LRRC4C: variants seen among roughly 807,000 people sequenced by gnomAD.
LRRC4C encodes the protein leucine rich repeat containing 4C, also known as leucine-rich repeat-containing protein 4C.
LRRC4C carries 5 observed loss-of-function variants against 33.6 expected under a neutral mutation model. The ratio of observed to expected loss-of-function variants is 0.15; its 90% CI spans 0.08 to 0.31. LRRC4C has a LOEUF of 0.31. Among genes scored for constraint, LRRC4C ranks in the 10% least tolerant of loss-of-function variants. The pLI is 1.00. For missense variants in LRRC4C, 560 were observed against 796.7 expected, an observed-to-expected ratio of 0.70 and a Z score of 3.58; for synonymous variants, 329 against 302.0, an observed-to-expected ratio of 1.09 and a Z score of -0.93.
chr11:40,829,023 T>G (rs1952290178), intron 2 of LRRC4C, among the ~76,000 whole-genome samples: 1 of 151,944 alleles, frequency 6.6e-6, no homozygotes, highest in African/African-American at 2.4e-5. Context: ...AACAAAAAAC[T>G]TGGTTAGAAT....
At chr11:40,466,273 A>AT (rs1395877678) in intron 3 of LRRC4C, among the ~76,000 whole-genome samples, 2 of 152,034 alleles carry the variant, frequency 1.3e-5, no homozygotes, top group African/African-American at 4.8e-5. Context: ...ATGTGGGAGA[A>AT]TGGGGGGAGA....
intron 2 of LRRC4C, among the ~76,000 whole-genome samples, chr11:40,909,086 C>T (rs1565191689): frequency 6.6e-6 from 1 of 151,994 alleles, no homozygotes; most frequent in Non-Finnish European, 1.5e-5. Flanking sequence ...ATATAACAGA[C>T]ATTTAACATG....
At chr11:40,438,440 T>C (rs909897941) in intron 3 of LRRC4C, among the ~76,000 whole-genome samples, 9 of 152,358 alleles carry the variant, frequency 5.9e-5, no homozygotes, top group Admixed American at 1.3e-4. Flanking sequence ...AATTTACTCG[T>C]ATGTTCTATT....
chr11:40,549,994 A>G (rs1241686309), intron 3 of LRRC4C, among the ~76,000 whole-genome samples: 1 of 152,132 alleles, frequency 6.6e-6, no homozygotes, highest in Non-Finnish European at 1.5e-5. Context: ...TTTTATAAAA[A>G]CAGTGGAATG....
At chr11:40,552,014 C>T (rs905649226) in intron 3 of LRRC4C, among the ~76,000 whole-genome samples, 6 of 152,144 alleles carry the variant, frequency 3.9e-5, no homozygotes, top group Non-Finnish European at 8.8e-5. Flanking sequence ...AAAGATTGAC[C>T]TCTTTCAAGG....
At chr11:41,016,102 A>T (rs945484899) in intron 1 of LRRC4C, among the ~76,000 whole-genome samples, 4 of 152,182 alleles carry the variant, frequency 2.6e-5, no homozygotes, top group African/African-American at 9.7e-5. Context: ...TAAATGGAAA[A>T]TGATTTGTAT....
chr11:41,442,755 C>A (rs544729073), intron 1 of LRRC4C, among the ~76,000 whole-genome samples: 5 of 152,006 alleles, frequency 3.3e-5, no homozygotes. Flanking sequence ...AGGCGTGAGC[C>A]ACCGCGCCCG....
At chr11:40,424,425 A>G (rs1394430188) in intron 3 of LRRC4C, among the ~76,000 whole-genome samples, 3 of 152,166 alleles carry the variant, frequency 2.0e-5, no homozygotes, top group Non-Finnish European at 4.4e-5. Context: ...ACCCACCTCT[A>G]TTTTTAGGGC....
At chr11:41,256,944 A>G (rs1358787927) in intron 1 of LRRC4C, among the ~76,000 whole-genome samples, 1 of 152,018 alleles carries the variant, frequency 6.6e-6, no homozygotes. Flanking sequence ...CCAAACATGC[A>G]AGATGATCAT....
chr11:41,163,139 A>T (rs1043826943), intron 1 of LRRC4C, among the ~76,000 whole-genome samples: 10 of 151,456 alleles, frequency 6.6e-5, no homozygotes, highest in African/African-American at 2.4e-4. Flanking sequence ...AGTGCCTTTC[A>T]CCTCCCTCCA....
At chr11:40,401,253 C>CTT (rs936154080) in intron 3 of LRRC4C, among the ~76,000 whole-genome samples, 1 of 151,938 alleles carries the variant, frequency 6.6e-6, no homozygotes, top group African/African-American at 2.4e-5. Context: ...CTCTCTCTCT[C>CTT]TTTCCCTCTC....
At chr11:41,097,742 G>A (rs2135586389) in intron 1 of LRRC4C, among the ~76,000 whole-genome samples, 1 of 152,132 alleles carries the variant, frequency 6.6e-6, no homozygotes, top group Non-Finnish European at 1.5e-5. Context: ...CTTGAGGATG[G>A]TAACAAAGTA....
At chr11:40,204,679 T>C (rs1863015617) in intron 5 of LRRC4C, among the ~76,000 whole-genome samples, 1 of 152,180 alleles carries the variant, frequency 6.6e-6, no homozygotes, top group Admixed American at 6.5e-5. Context: ...TACAGATGGC[T>C]TATGACTTCC....
chr11:40,476,342 C>CTTTTTTTTTT (rs71308392), intron 3 of LRRC4C, among the ~76,000 whole-genome samples: 2 of 81,370 alleles, frequency 2.5e-5, no homozygotes. Context: ...TTTTTTTCTT[C>CTTTTTTTTTT]TTTTTTTTTT....
At chr11:41,332,534 C>A (rs1419569223) in intron 1 of LRRC4C, among the ~76,000 whole-genome samples, 3 of 152,020 alleles carry the variant, frequency 2.0e-5, no homozygotes, top group African/African-American at 7.2e-5. Flanking sequence ...CTTCAGCACT[C>A]GATACCGTTT....
chr11:41,023,058 T>C (rs545588603), intron 1 of LRRC4C, among the ~76,000 whole-genome samples: 1 of 151,862 alleles, frequency 6.6e-6, no homozygotes, highest in Non-Finnish European at 1.5e-5. Context: ...ATGTAAAGCC[T>C]AAAGCACATT....
intron 2 of LRRC4C, among the ~76,000 whole-genome samples, chr11:40,769,480 T>A (rs1439560407): frequency 2.0e-5 from 3 of 151,930 alleles, no homozygotes; most frequent in Non-Finnish European, 2.9e-5. Flanking sequence ...AAAAAAAGAA[T>A]CCTAAATGTA....
chr11:40,478,649 C>T (rs557431721), intron 3 of LRRC4C, among the ~76,000 whole-genome samples: 8 of 152,126 alleles, frequency 5.3e-5, no homozygotes, highest in South Asian at 2.1e-4. Context: ...CCCATTAACT[C>T]GTCATTTACA....
rs1481480429 is a variant in LRRC4C at position 40,665,317 on chromosome 11, A to C, written c.-406-17039T>G. Among the ~76,000 whole-genome samples the C allele has an allele frequency of 3.0e-4, 8 of 27,018 alleles. No homozygotes were observed. The East Asian group carries it at 0.013, about 45-fold the overall frequency. 17.7% of individuals were successfully genotyped at this position (27,018 alleles called of 152,430 possible). A position where few individuals can be genotyped will look rare whatever the true frequency, so the allele number is the denominator to read the frequency against. On this transcript the variant is annotated intron_variant, in intron 2 of 6. Transcript: ENST00000528697. ...GGGGTCATTGCTTTCTTAAAAAAAAAAAAAAAAAATATATATATATATATA... is the reference window on the plus strand; with the variant it reads ...GGGGTCATTGCTTTCTTAAAAAAAACAAAAAAAAATATATATATATATATA...
Sources: allele counts gnomAD v4.1 joint callset (sites outside exome capture counted in the v4.1 genomes callset), GRCh38; gene constraint gnomAD v4.1.1; transcripts MANE v1.5; gene names NCBI Gene and HGNC (gene_info 2026-07-23, HGNC 2026-07-21).